U2AF2: variants seen among roughly 807,000 people sequenced by gnomAD.
The protein encoded by U2AF2 is U2 small nuclear RNA auxiliary factor 2, also known as splicing factor U2AF 65 kDa subunit.
A neutral mutation model predicts 52.6 loss-of-function variants in U2AF2; 6 were observed. The ratio of observed to expected loss-of-function variants is 0.11; its 90% CI spans 0.06 to 0.23. The LOEUF (loss-of-function observed/expected upper bound fraction) is 0.23. U2AF2 is among the 10% of genes least tolerant of loss of function. The probability of loss-of-function intolerance (pLI) is 1.00; values close to 1 mark genes in which losing one functional copy is unlikely to be tolerated. For synonymous variants in U2AF2, 284 were observed against 258.2 expected, an observed-to-expected ratio of 1.10 and a Z score of -0.96; for missense variants, 222 against 677.1, an observed-to-expected ratio of 0.33 and a Z score of 7.46.
chr19:55,674,179 C>G lies in U2AF2; in HGVS notation c.*111C>G, dbSNP rs1052892484. On this transcript the variant is annotated 3_prime_UTR_variant, in exon 12 of 12. Coordinates refer to ENST00000308924, the MANE Select transcript of U2AF2 (RefSeq NM_007279.3). ...GGCAGAGGAGTGACAGCCGCAGACA[C>G]ACGACAGCCGGCAGCAACTGGAATG... 1.4e-5 allele frequency: 14 copies of G among 1,031,982 alleles called. No homozygotes were observed. The African/African-American group carries it at 1.7e-4, about 13-fold the overall frequency. 63.9% of individuals were successfully genotyped at this position (1,031,982 alleles called of 1,614,324 possible). A position where few individuals can be genotyped will look rare whatever the true frequency, so the allele number is the denominator to read the frequency against.
intron 7 of U2AF2, chr19:55,663,999 C>T (rs546710064): frequency 4.2e-6 from 2 of 470,592 alleles, no homozygotes; most frequent in Non-Finnish European, 7.4e-6. Context: ...AGGATCAGAC[C>T]AAAGGTGCTG....
intron 1 of U2AF2, among the ~76,000 whole-genome samples, chr19:55,655,690 A>G (rs1306339914): frequency 6.6e-6 from 1 of 152,060 alleles, no homozygotes; most frequent in Non-Finnish European, 1.5e-5. Flanking sequence ...CTTGGAGGCC[A>G]CGGGCCCCTC....
At chr19:55,655,439 C>G (rs111241974) in intron 1 of U2AF2, among the ~76,000 whole-genome samples, 2,805 of 152,326 alleles carry the variant, frequency 0.018, 91 homozygotes, top group African/African-American at 0.064. Flanking sequence ...GCGGCACGAG[C>G]GCGCCAGATG....
chr19:55,660,679 C>A lies in U2AF2; in HGVS notation c.334+60C>A. The A allele has an allele frequency of 2.7e-6, 4 of 1,482,176 alleles. No individual in the cohort carries two copies. The South Asian group carries it at 4.7e-5, about 18-fold the overall frequency. The allele number at this position is 1,482,176 out of a possible 1,614,324, so 91.8% of individuals were successfully genotyped here. On this transcript the variant is annotated intron_variant, in intron 4 of 11. Transcript: ENST00000308924. ...GGGTACAGGGGTTGGGATTCTCCGT[C>A]AGTCATTCCCCTGCGTGTGTGCTTG...
rs779075792 is a variant in U2AF2 at position 55,660,527 on chromosome 19, G to A, written c.242G>A (p.Arg81His). 7 of 447,596 alleles carry A rather than the reference G, an allele frequency of 1.6e-5. No individual in the cohort carries two copies. The highest frequency in any genetic ancestry group is 8.3e-5 in the East Asian group (1 of 11,978). 27.7% of individuals were successfully genotyped at this position (447,596 alleles called of 1,614,324 possible). Residue 81 changes from arginine (R) to histidine (H), a missense_variant, in exon 4 of 12, where the codon CGC (arginine) becomes CAC (histidine). Arg to His is a conservative substitution (Grantham distance 29). Transcript: ENST00000308924. ...CCCACCTCCCCCAGTCGTTCCCCCC[G>A]CCACGAGAAGAAGAAGAAGGTCCGT... The part of the protein sequence containing the change: ...EEHGGLIRSP[R>H]HEKKKKVRKY...
At chr19:55,662,282 C>T in intron 5 of U2AF2, 1 of 461,776 alleles carries the variant, frequency 2.2e-6, no homozygotes, top group Non-Finnish European at 3.9e-6. Context: ...CCTTGGCCGT[C>T]TCTTGCTACT....
At chr19:55,658,954 C>A in intron 1 of U2AF2, 1 of 429,648 alleles carries the variant, frequency 2.3e-6, no homozygotes, top group Non-Finnish European at 3.8e-6. Flanking sequence ...TCTTCTCTGG[C>A]TCCCCAGCTC....
At chr19:55,658,637 G>A (rs748966169) in intron 1 of U2AF2, among the ~76,000 whole-genome samples, 4 of 152,212 alleles carry the variant, frequency 2.6e-5, no homozygotes, top group Admixed American at 6.5e-5. Flanking sequence ...CAGATTCTCC[G>A]AGGCCCTTCT....
chr19:55,658,639 G>A (rs1983954318), intron 1 of U2AF2, among the ~76,000 whole-genome samples: 1 of 152,112 alleles, frequency 6.6e-6, no homozygotes, highest in Admixed American at 6.5e-5. Context: ...GATTCTCCGA[G>A]GCCCTTCTCT....
chr19:55,672,528 C>A (rs114026618), intron 11 of U2AF2, among the ~76,000 whole-genome samples: 1,547 of 152,294 alleles, frequency 0.01, 28 homozygotes, highest in African/African-American at 0.035. Context: ...GAGCACTACT[C>A]CCTGCTGAGA....
chr19:55,674,185 AGCCG>A lies in U2AF2; in HGVS notation c.*120_*123del. On this transcript the variant is annotated 3_prime_UTR_variant, in exon 12 of 12. Transcript: ENST00000308924. ...GGAGTGACAGCCGCAGACACACGAC[AGCCG>A]GCAGCAACTGGAATGGCAGCAATTA... 1 of 553,280 alleles carries A rather than the reference AGCCG, an allele frequency of 1.8e-6. No individual in the cohort carries two copies. Among genetic ancestry groups the A allele is most frequent in the South Asian group, 4.8e-5 (1 of 21,048 alleles). 34.3% of individuals were successfully genotyped at this position (553,280 alleles called of 1,614,324 possible).
chr19:55,674,305 CCA>C lies in U2AF2; in HGVS notation c.*242_*243del. The C allele has an allele frequency of 2.0e-6, 1 of 511,154 alleles. No individual in the cohort carries two copies. Among genetic ancestry groups the C allele is most frequent in the South Asian group, 2.2e-5 (1 of 45,714 alleles). The allele number at this position is 511,154 out of a possible 1,614,324, so 31.7% of individuals were successfully genotyped here. On this transcript the variant is annotated 3_prime_UTR_variant, in exon 12 of 12. Coordinates refer to ENST00000308924, the MANE Select transcript of U2AF2 (RefSeq NM_007279.3). ...CACAGCCCACACAGACAACACGCAC[CCA>C]CACAGACACAGAGGGAAGGGGTTGG... is the stretch of plus-strand genomic sequence containing the variant.
Position 55,662,484 on chromosome 19 carries a change from C to A in U2AF2, c.487-18C>A. The A allele has an allele frequency of 4.9e-6, 3 of 609,090 alleles. No homozygotes were observed. Among genetic ancestry groups the A allele is most frequent in the South Asian group, 1.5e-5 (1 of 64,704 alleles). 37.7% of individuals were successfully genotyped at this position (609,090 alleles called of 1,614,324 possible). On this transcript the variant is annotated intron_variant, in intron 5 of 11. Transcript: ENST00000308924. The stretch of plus-strand genomic sequence containing the variant: ...TCCCTTCCCCCGCCCCCCCCCTTGT[C>A]TCCTATTCCCTCTGCAGGAGGCCAT...
intron 5 of U2AF2, 71 bp downstream of exon 5, chr19:55,661,260 C>G: frequency 1.4e-6 from 2 of 1,405,506 alleles, no homozygotes; most frequent in South Asian, 1.5e-5. Context: ...CCTCCATTCC[C>G]TTTCCCCAAC....
At position 55,673,922 on chromosome 19, in the gene U2AF2, C is replaced by T. The variant is rs1186839979; in HGVS notation, c.1294-12C>T. On this transcript the variant is annotated splice_polypyrimidine_tract_variant and intron_variant, in intron 11 of 11. Coordinates refer to ENST00000308924, the MANE Select transcript of U2AF2 (RefSeq NM_007279.3). ...AGCCTTGTTCACAAACCTGCCTCTC[C>T]TTTCCCCACAGATCTTTGTGGAGTT... 6.2e-7 allele frequency: 1 copy of T among 1,606,624 alleles called. No individual in the cohort carries two copies. The highest frequency in any genetic ancestry group is 8.5e-7 in the Non-Finnish European group (1 of 1,175,630).
At position 55,674,085 on chromosome 19, in the gene U2AF2, G is replaced by A. The variant is rs745564221; in HGVS notation, c.*17G>A. ...TTCTGGTAGAGGCGGCTGGGGGAGG[G>A]TGGGGGCAGGGCTGGCTGGGGGCTT... On this transcript the variant is annotated 3_prime_UTR_variant, in exon 12 of 12. Transcript: ENST00000308924. 2.5e-6 allele frequency: 4 copies of A among 1,592,970 alleles called. No homozygotes were observed. The highest frequency in any genetic ancestry group is 1.3e-5 in the African/African-American group (1 of 74,460).
rs1985183235 is a variant in U2AF2, at chr19:55,674,618, C to T, written c.*550C>T. The T allele has an allele frequency of 6.5e-6, 1 of 153,442 alleles. No homozygotes were observed. The highest frequency in any genetic ancestry group is 6.5e-5 in the Admixed American group (1 of 15,356). The allele number at this position is 153,442 out of a possible 1,614,324, so 9.5% of individuals were successfully genotyped here. On this transcript the variant is annotated 3_prime_UTR_variant, in exon 12 of 12. Coordinates refer to ENST00000308924, the MANE Select transcript of U2AF2 (RefSeq NM_007279.3). ...CCTCTTTAGTCTCCCCCGACCTGCGCCCAGCCCCGTGGCCCCTGCCCCTCT... is the reference window on the plus strand; with the variant it reads ...CCTCTTTAGTCTCCCCCGACCTGCGTCCAGCCCCGTGGCCCCTGCCCCTCT...
chr19:55,656,952 T>C (rs778255289), intron 1 of U2AF2, among the ~76,000 whole-genome samples: 29 of 152,228 alleles, frequency 1.9e-4, no homozygotes, highest in Non-Finnish European at 3.5e-4. Flanking sequence ...ACACAACACC[T>C]GGATGGAGTA....
At chr19:55,662,681 C>A in intron 6 of U2AF2, 63 bp downstream of exon 6, 1 of 1,458,808 alleles carries the variant, frequency 6.9e-7, no homozygotes. Flanking sequence ...AGCCCTTAGG[C>A]TGATGTTGTG....
Sources: allele counts gnomAD v4.1 joint callset (sites outside exome capture counted in the v4.1 genomes callset), GRCh38; gene constraint gnomAD v4.1.1; transcripts MANE v1.5; gene names NCBI Gene and HGNC (gene_info 2026-07-23, HGNC 2026-07-21).